Variants in ARNT observed in about 807,000 individuals in gnomAD.
The protein encoded by ARNT is aryl hydrocarbon receptor nuclear translocator.
ARNT carries 30 observed loss-of-function variants against 105.0 expected under a neutral mutation model. The observed-to-expected ratio is 0.29, with a 90% confidence interval of 0.21 to 0.39. The LOEUF (loss-of-function observed/expected upper bound fraction) is 0.39, where lower values mean the gene tolerates loss of function less well. Ranked by LOEUF, ARNT falls within the 10% of genes least tolerant of loss-of-function variation. The probability of loss-of-function intolerance (pLI) is 1.00; values close to 1 mark genes in which losing one functional copy is unlikely to be tolerated. For synonymous variants in ARNT, 304 were observed against 344.0 expected, an observed-to-expected ratio of 0.88 and a Z score of 1.29; for missense variants, 748 against 978.7, an observed-to-expected ratio of 0.76 and a Z score of 3.15.
In ARNT at chr1:150,810,451, T is replaced by G. The variant is rs942044860; in HGVS notation, c.*1570A>C. 4.5e-5 allele frequency: 10 copies of G among 222,620 alleles called. No individual in the cohort carries two copies. Among genetic ancestry groups the G allele is most frequent in the African/African-American group, 2.0e-4 (9 of 44,836 alleles). The allele number at this position is 222,620 out of a possible 1,614,324, so 13.8% of individuals were successfully genotyped here. ...GTGCACATAGAATAAAAAAATAAACTGTCTCCTTTTTTACTCCACTACCTG... is the reference window on the plus strand; with the variant it reads ...GTGCACATAGAATAAAAAAATAAACGGTCTCCTTTTTTACTCCACTACCTG... On this transcript the variant is annotated 3_prime_UTR_variant, in exon 22 of 22. Coordinates refer to ENST00000358595, the MANE Select transcript of ARNT (RefSeq NM_001668.4).
intron 8 of ARNT, 84 bp downstream of exon 8, chr1:150,834,454 A>C: frequency 1.5e-6 from 2 of 1,322,204 alleles, no homozygotes; most frequent in Non-Finnish European, 2.2e-6. Context: ...CACTGGAGCT[A>C]ATCCAACTTA....
In ARNT at chr1:150,813,341, A is replaced by G. The variant is rs892816049; in HGVS notation, c.2114-3T>C. The stretch of plus-strand genomic sequence containing the variant: ...TGCAGTCTGTCCAGTCTCAGGAGCT[A>G]GAAATACAGCAAGGAAGAATAAACA... On this transcript the variant is annotated splice_polypyrimidine_tract_variant and splice_region_variant and intron_variant, in intron 20 of 21. Coordinates refer to ENST00000358595, the MANE Select transcript of ARNT (RefSeq NM_001668.4). 7 of 1,602,432 alleles carry G rather than the reference A, an allele frequency of 4.4e-6. No individual in the cohort carries two copies. Among genetic ancestry groups the G allele is most frequent in the Non-Finnish European group, 6.0e-6 (7 of 1,173,664 alleles).
At chr1:150,839,039 C>T (rs1042644724) in intron 6 of ARNT, among the ~76,000 whole-genome samples, 4 of 152,116 alleles carry the variant, frequency 2.6e-5, no homozygotes, top group African/African-American at 9.7e-5. Context: ...TCTTCTATCA[C>T]CAAAGGTGGG....
At chr1:150,875,338 T>C (rs1183737264) in intron 1 of ARNT, among the ~76,000 whole-genome samples, 5 of 152,020 alleles carry the variant, frequency 3.3e-5, no homozygotes, top group Non-Finnish European at 7.4e-5. Context: ...AGAAACACGG[T>C]AGAAAAGAAA....
chr1:150,853,726 A>G (rs1437221913), intron 2 of ARNT, among the ~76,000 whole-genome samples: 1 of 152,252 alleles, frequency 6.6e-6, no homozygotes, highest in Non-Finnish European at 1.5e-5. Context: ...AAAGTGTCAC[A>G]TAAGGGGTAC....
At position 150,810,420 on chromosome 1, in the gene ARNT, G is replaced by T. The variant is rs1316168477; in HGVS notation, c.*1601C>A. Reference sequence around the variant, plus strand: ...TGTGATATAAATATATATGTATACTGTAAGTGTGCACATAGAATAAAAAAA... The same window carrying T: ...TGTGATATAAATATATATGTATACTTTAAGTGTGCACATAGAATAAAAAAA... On this transcript the variant is annotated 3_prime_UTR_variant, in exon 22 of 22. Transcript: ENST00000358595. 1.3e-5 allele frequency: 3 copies of T among 222,428 alleles called. No homozygotes were observed. In the Admixed American group the frequency reaches 1.7e-4, roughly 13 times the overall value. The allele number at this position is 222,428 out of a possible 1,614,324, so 13.8% of individuals were successfully genotyped here.
chr1:150,817,027 C>A, intron 17 of ARNT, 55 bp downstream of exon 17: 1 of 1,611,944 alleles, frequency 6.2e-7, no homozygotes, highest in South Asian at 1.1e-5. Context: ...AGTGGCATGC[C>A]CATCAGTAAG....
At chr1:150,860,958 G>A (rs1240544014) in intron 1 of ARNT, among the ~76,000 whole-genome samples, 1 of 151,698 alleles carries the variant, frequency 6.6e-6, no homozygotes, top group Non-Finnish European at 1.5e-5. Flanking sequence ...ACTTGAACAA[G>A]CATTTCTACA....
chr1:150,846,273 G>T lies in ARNT; in HGVS notation c.217C>A (p.Arg73=), dbSNP rs769096175. The change falls in exon 4 of 22, where the codon CGG becomes AGG. Residue 73 remains arginine, a synonymous_variant. Transcript: ENST00000358595. The part of the protein sequence containing the change: ...DDDQMSNDKE[R]FARSDDEQSS... ...CTACTACAATATTACCTGGCAAACC[G>T]CTCCTTATCGTTAGACATCTGATCA... is the stretch of plus-strand genomic sequence containing the variant. 1.7e-5 allele frequency: 28 copies of T among 1,613,040 alleles called. No homozygotes were observed. The highest frequency in any genetic ancestry group is 2.0e-5 in the Non-Finnish European group (24 of 1,179,362).
chr1:150,843,708 T>A (rs587683822), intron 4 of ARNT, among the ~76,000 whole-genome samples: 13 of 152,300 alleles, frequency 8.5e-5, no homozygotes, highest in African/African-American at 3.1e-4. Flanking sequence ...GTGCTGGAAT[T>A]ACAGGCATAA....
intron 10 of ARNT, chr1:150,831,602 T>C: frequency 3.8e-6 from 2 of 522,772 alleles, no homozygotes; most frequent in South Asian, 2.5e-5. Context: ...ACACAGCCAA[T>C]ACTGAATCAT....
chr1:150,858,594 C>T, intron 1 of ARNT, 134 bp from the exon 2 acceptor site: 3 of 663,102 alleles, frequency 4.5e-6, no homozygotes, highest in South Asian at 1.9e-5. Flanking sequence ...CCCAAATGCT[C>T]ATATCCAGAT....
At chr1:150,821,918 C>G (rs755025463) in intron 14 of ARNT, among the ~76,000 whole-genome samples, 3 of 147,112 alleles carry the variant, frequency 2.0e-5, no homozygotes, top group Non-Finnish European at 4.5e-5. Context: ...GTGATCTGCT[C>G]AACTTGGTAT....
At position 150,858,534 on chromosome 1, in the gene ARNT, T is replaced by C; in HGVS notation, c.26-74A>G. 2.5e-6 allele frequency: 3 copies of C among 1,205,392 alleles called. No individual in the cohort carries two copies. In the South Asian group the frequency reaches 4.0e-5, roughly 16 times the overall value. The allele number at this position is 1,205,392 out of a possible 1,614,324, so 74.7% of individuals were successfully genotyped here. Reference sequence around the variant, plus strand: ...TTATCATCAGTATCATCAAGTTAGCTAAAAGAAAGGTTCAAGCTATAGACA... The same window carrying C: ...TTATCATCAGTATCATCAAGTTAGCCAAAAGAAAGGTTCAAGCTATAGACA... On this transcript the variant is annotated intron_variant, in intron 1 of 21. Coordinates refer to ENST00000358595, the MANE Select transcript of ARNT (RefSeq NM_001668.4).
chr1:150,818,697 T>C (rs927934829), intron 14 of ARNT, among the ~76,000 whole-genome samples: 2 of 151,964 alleles, frequency 1.3e-5, no homozygotes, highest in Non-Finnish European at 2.9e-5. Flanking sequence ...TGCAGTGAGC[T>C]GAGATAGCGC....
At chr1:150,823,968 A>T (rs1387901351) in intron 13 of ARNT, among the ~76,000 whole-genome samples, 1 of 142,654 alleles carries the variant, frequency 7.0e-6, no homozygotes, top group African/African-American at 2.6e-5. Context: ...TCAGCCTCCC[A>T]AGTAGCTGAG....
chr1:150,838,247 G>C (rs1218690623), intron 6 of ARNT, among the ~76,000 whole-genome samples: 1 of 152,030 alleles, frequency 6.6e-6, no homozygotes, highest in East Asian at 1.9e-4. Context: ...TTTTGCTCAA[G>C]TGCTTCCCAA....
intron 14 of ARNT, among the ~76,000 whole-genome samples, chr1:150,819,360 C>T (rs1656599460): frequency 6.6e-6 from 1 of 152,088 alleles, no homozygotes; most frequent in Non-Finnish European, 1.5e-5. Flanking sequence ...TACTATGTGG[C>T]CAGCAATTCC....
At chr1:150,848,740 C>T (rs1419192832) in intron 3 of ARNT, among the ~76,000 whole-genome samples, 1 of 152,078 alleles carries the variant, frequency 6.6e-6, no homozygotes, top group Non-Finnish European at 1.5e-5. Flanking sequence ...CCATGTTGCC[C>T]AGACTGGTCC....
Sources: allele counts gnomAD v4.1 joint callset (sites outside exome capture counted in the v4.1 genomes callset), GRCh38; gene constraint gnomAD v4.1.1; transcripts MANE v1.5; gene names NCBI Gene and HGNC (gene_info 2026-07-23, HGNC 2026-07-21).